RALGPS2: variants seen among roughly 807,000 people sequenced by gnomAD.
RALGPS2 encodes the protein Ral GEF with PH domain and SH3 binding motif 2, also known as ras-specific guanine nucleotide-releasing factor RalGPS2.
Under a neutral mutation model 86.8 loss-of-function variants are expected in RALGPS2, and 43 were observed. The observed-to-expected ratio is 0.50, with a 90% CI of 0.39 to 0.64. The LOEUF (loss-of-function observed/expected upper bound fraction) is 0.64. Ranked by LOEUF, RALGPS2 falls within the 30% of genes least tolerant of loss-of-function variation. RALGPS2 has a pLI of 0.00. For synonymous variants in RALGPS2, 243 were observed against 231.3 expected, an observed-to-expected ratio of 1.05 and a Z score of -0.46; for missense variants, 536 against 694.6, an observed-to-expected ratio of 0.77 and a Z score of 2.57.
In RALGPS2 at chr1:178,785,605, G is replaced by A; in HGVS notation, c.211G>A (p.Asp71Asn). 1 of 1,580,358 alleles carries A rather than the reference G, an allele frequency of 6.3e-7. No individual in the cohort carries two copies. The highest frequency in any genetic ancestry group is 8.6e-7 in the Non-Finnish European group (1 of 1,164,726). ...TCCAGTATTTAAAGCTATTCAACCA[G>A]ATGTAAGTAGTTTTGAGAATGTTCC... ...DVPVFKAIQP[D>N]ELSSCGWNKK... Residue 71 changes from aspartate (D) to asparagine (N), a missense_variant and splice_region_variant, in exon 4 of 20, where the codon GAT becomes AAT. Physicochemically the swap from Asp to Asn is conservative, Grantham distance 23. Around this residue, in one of 3 missense-constraint regions of RALGPS2, gnomAD observed 184 missense variants for 296.7 expected, o/e 0.62. Coordinates refer to ENST00000367635, the MANE Select transcript of RALGPS2 (RefSeq NM_152663.5).
intron 1 of RALGPS2, among the ~76,000 whole-genome samples, chr1:178,757,241 C>G (rs558142826): frequency 6.6e-6 from 1 of 152,274 alleles, no homozygotes; most frequent in South Asian, 2.1e-4. Flanking sequence ...ATCACATAGT[C>G]AGTGAAGAGA....
chr1:178,741,348 G>A (rs1304229485), intron 1 of RALGPS2, among the ~76,000 whole-genome samples: 1 of 152,226 alleles, frequency 6.6e-6, no homozygotes, highest in Non-Finnish European at 1.5e-5. Context: ...GTAACGGGCA[G>A]AAATAGAATT....
chr1:178,892,808 C>G (rs1427470994), intron 15 of RALGPS2, among the ~76,000 whole-genome samples: 1 of 152,022 alleles, frequency 6.6e-6, no homozygotes, highest in Non-Finnish European at 1.5e-5. Context: ...TAAACCAGGT[C>G]TCTTTTGGAC....
intron 8 of RALGPS2, chr1:178,850,837 G>A (rs1657123626): frequency 8.7e-6 from 2 of 229,634 alleles, no homozygotes; most frequent in Non-Finnish European, 1.7e-5. Flanking sequence ...TTAAAATATA[G>A]CTAAGATTTG....
chr1:178,905,273 A>T (rs910052401), intron 18 of RALGPS2, among the ~76,000 whole-genome samples: 11 of 152,178 alleles, frequency 7.2e-5, no homozygotes, highest in Non-Finnish European at 2.9e-5. Context: ...GAGCATTTTC[A>T]TTGGATTTAG....
At chr1:178,754,421 C>T (rs766035916) in intron 1 of RALGPS2, among the ~76,000 whole-genome samples, 2 of 151,990 alleles carry the variant, frequency 1.3e-5, no homozygotes, top group Admixed American at 6.6e-5. Context: ...GCAGGAGAGC[C>T]GGTGGTATAA....
At position 178,910,839 on chromosome 1, in the gene RALGPS2, C is replaced by T. The variant is rs146822140; in HGVS notation, c.1722+3972C>T. On this transcript the variant is annotated intron_variant, in intron 19 of 19. Transcript: ENST00000367635. Reference sequence around the variant, plus strand: ...CGGAATATTTTCAGTAGGATTGGTACTAGCTCTTTTTCGTACATATGGTAG... The same window carrying T: ...CGGAATATTTTCAGTAGGATTGGTATTAGCTCTTTTTCGTACATATGGTAG... 6.0e-3 allele frequency among the ~76,000 whole-genome samples: 906 copies of T among 152,184 alleles called. 15 individuals carry two copies. The highest frequency in any genetic ancestry group is 0.021 in the African/African-American group (878 of 41,520).
chr1:178,917,787 TGTC>T lies in RALGPS2; in HGVS notation c.*1430_*1432del, dbSNP rs1358657384. The T allele has an allele frequency of 1.3e-5, 2 of 152,160 alleles. No homozygotes were observed. The highest frequency in any genetic ancestry group is 2.9e-5 in the Non-Finnish European group (2 of 67,992). The allele number at this position is 152,160 out of a possible 1,614,324, so 9.4% of individuals were successfully genotyped here. On this transcript the variant is annotated 3_prime_UTR_variant, in exon 20 of 20. Coordinates refer to ENST00000367635, the MANE Select transcript of RALGPS2 (RefSeq NM_152663.5). The stretch of plus-strand genomic sequence containing the variant: ...AAATGACACTCAAACAAAGGCTATA[TGTC>T]GAATGTTATAAACTCTTGAGACATA...
chr1:178,772,755 T>C (rs1293073651), intron 1 of RALGPS2, among the ~76,000 whole-genome samples: 1 of 152,140 alleles, frequency 6.6e-6, no homozygotes, highest in South Asian at 2.1e-4. Context: ...CTCTTTTTAT[T>C]GACTGAAGGC....
chr1:178,740,105 A>C (rs1447178536), intron 1 of RALGPS2, among the ~76,000 whole-genome samples: 1 of 152,222 alleles, frequency 6.6e-6, no homozygotes, highest in Admixed American at 6.5e-5. Context: ...GTGATGCTGT[A>C]AATTATATGA....
intron 1 of RALGPS2, among the ~76,000 whole-genome samples, chr1:178,770,403 G>A (rs1022443837): frequency 1.3e-5 from 2 of 152,088 alleles, no homozygotes; most frequent in African/African-American, 4.8e-5. Flanking sequence ...CCATGTTGGG[G>A]GGAAAAAGAT....
At chr1:178,901,723 T>C (rs114728207) in intron 17 of RALGPS2, among the ~76,000 whole-genome samples, 2,600 of 150,220 alleles carry the variant, frequency 0.017, 72 homozygotes, top group African/African-American at 0.059. Context: ...GCACTGCTGA[T>C]TTATTACATC....
At chr1:178,764,948 C>A (rs1400772821) in intron 1 of RALGPS2, among the ~76,000 whole-genome samples, 1 of 152,050 alleles carries the variant, frequency 6.6e-6, no homozygotes, top group East Asian at 1.9e-4. Flanking sequence ...CTCATGAGAT[C>A]TGGTTGTTGG....
At chr1:178,866,603 C>G (rs1658428156) in intron 8 of RALGPS2, among the ~76,000 whole-genome samples, 1 of 152,046 alleles carries the variant, frequency 6.6e-6, no homozygotes, top group African/African-American at 2.4e-5. Flanking sequence ...TTTCTACAAC[C>G]ATTACCAAGG....
chr1:178,732,220 G>A (rs1650408030), intron 1 of RALGPS2, among the ~76,000 whole-genome samples: 1 of 152,176 alleles, frequency 6.6e-6, no homozygotes, highest in Non-Finnish European at 1.5e-5. Flanking sequence ...ATAGAAGAGG[G>A]AGAGTATGAT....
At chr1:178,877,747 C>T in intron 9 of RALGPS2, 112 bp downstream of exon 9, 1 of 1,310,268 alleles carries the variant, frequency 7.6e-7, no homozygotes, top group Non-Finnish European at 1.1e-6. Flanking sequence ...TTTCTTATTT[C>T]CATTCTAATG....
chr1:178,835,222 C>G (rs1330165745), intron 8 of RALGPS2, among the ~76,000 whole-genome samples: 1 of 152,144 alleles, frequency 6.6e-6, no homozygotes, highest in Non-Finnish European at 1.5e-5. Flanking sequence ...GAACATTAGA[C>G]TGAGAATTGG....
At chr1:178,858,973 A>T (rs1487640651) in intron 8 of RALGPS2, among the ~76,000 whole-genome samples, 1 of 152,188 alleles carries the variant, frequency 6.6e-6, no homozygotes, top group Middle Eastern at 3.2e-3. Context: ...TTGAGAGGTA[A>T]ACTTTTCAGT....
In RALGPS2 at chr1:178,879,098, C is replaced by T. The variant is rs543575064; in HGVS notation, c.836+106C>T. 15 of 1,454,316 alleles carry T rather than the reference C, an allele frequency of 1.0e-5. No individual in the cohort carries two copies. The African/African-American group carries it at 2.2e-4, about 21-fold the overall frequency. 90.1% of individuals were successfully genotyped at this position (1,454,316 alleles called of 1,614,324 possible). A position where few individuals can be genotyped will look rare whatever the true frequency, so the allele number is the denominator to read the frequency against. ...ATCCTACATGGTATCATACAAAGGACTAATCCAGTGGTTTACAGCAGTAAA... is the reference window on the plus strand; with the variant it reads ...ATCCTACATGGTATCATACAAAGGATTAATCCAGTGGTTTACAGCAGTAAA... On this transcript the variant is annotated intron_variant, in intron 10 of 19. Coordinates refer to ENST00000367635, the MANE Select transcript of RALGPS2 (RefSeq NM_152663.5).
Sources: gnomAD v4.1 joint callset for allele counts (sites outside exome capture counted in the v4.1 genomes callset) on GRCh38, gnomAD v4.1.1 for gene constraint, gnomAD v4.1.1 regional missense constraint, MANE v1.5 for transcripts, NCBI Gene and HGNC (gene_info 2026-07-23, HGNC 2026-07-21) for gene names.